ARID1B: variants seen among roughly 807,000 people sequenced by gnomAD.
ARID1B encodes AT-rich interactive domain-containing protein 1B.
A neutral mutation model predicts 212.3 loss-of-function variants in ARID1B; 30 were observed. The ratio of observed to expected loss-of-function variants is 0.14; its 90% CI spans 0.11 to 0.19. The LOEUF (loss-of-function observed/expected upper bound fraction) is 0.19, where lower values mean the gene tolerates loss of function less well. Ranked by LOEUF, ARID1B falls within the 10% of genes least tolerant of loss-of-function variation. ARID1B has a pLI of 1.00. For missense variants in ARID1B, 2,891 were observed against 3,204.0 expected (o/e 0.90, Z 2.36); for synonymous variants, 1,402 against 1,301.7 (o/e 1.08, Z -1.66).
At chr6:156,881,579 G>A (rs1787101047) in intron 2 of ARID1B, among the ~76,000 whole-genome samples, 1 of 152,106 alleles carries the variant, frequency 6.6e-6, no homozygotes, top group Admixed American at 6.5e-5. Flanking sequence ...GGACTGCACG[G>A]GTTCCCATAC....
At chr6:157,076,855 T>C (rs1784346010) in intron 4 of ARID1B, among the ~76,000 whole-genome samples, 1 of 152,220 alleles carries the variant, frequency 6.6e-6, no homozygotes, top group Non-Finnish European at 1.5e-5. Context: ...TAAACCCATC[T>C]CTCTCTCTTC....
rs1399325046 is a variant in ARID1B, at chr6:156,778,903, G to C, written c.1223G>C (p.Gly408Ala). The change falls in exon 1 of 20, where the codon GGA becomes GCA. Residue 408 changes from glycine to alanine, a missense_variant. Gly to Ala is a moderately conservative substitution (Grantham distance 60). Transcript: ENST00000636930. The part of the protein sequence containing the change: ...GGGGGSGGGG[G>A]GGGAGAGGAG... ...GGAGGAGGCAGCGGAGGAGGAGGAG[G>C]AGGAGGAGGAGCAGGAGCAGGAGGA... The C allele has an allele frequency of 2.2e-6, 3 of 1,369,736 alleles. No homozygotes were observed. Among genetic ancestry groups the C allele is most frequent in the Non-Finnish European group, 2.8e-6 (3 of 1,063,428 alleles). 84.8% of individuals were successfully genotyped at this position (1,369,736 alleles called of 1,614,324 possible). A position where few individuals can be genotyped will look rare whatever the true frequency, so the allele number is the denominator to read the frequency against.
chr6:156,984,150 G>GC (rs1267520066), intron 4 of ARID1B, among the ~76,000 whole-genome samples: 1 of 152,150 alleles, frequency 6.6e-6, no homozygotes, highest in Non-Finnish European at 1.5e-5. Context: ...GATTCGTTGA[G>GC]CGTCTCCAGG....
chr6:156,937,995 T>C (rs1792388435), intron 4 of ARID1B: 2 of 152,198 alleles, frequency 1.3e-5, no homozygotes, highest in African/African-American at 2.4e-5. Flanking sequence ...CCAGGTTTTA[T>C]GTTAAGTATG....
chr6:156,783,300 A>T (rs1222116644), intron 1 of ARID1B, among the ~76,000 whole-genome samples: 1 of 151,978 alleles, frequency 6.6e-6, no homozygotes, highest in Non-Finnish European at 1.5e-5. Context: ...CCTTTACTGA[A>T]ATTGAAGAAA....
chr6:157,162,966 G>A (rs962561612), intron 8 of ARID1B, among the ~76,000 whole-genome samples: 1 of 152,188 alleles, frequency 6.6e-6, no homozygotes, highest in African/African-American at 2.4e-5. Flanking sequence ...AGGCCCCCTG[G>A]AAGCCAGAGC....
At chr6:157,124,971 C>T (rs1336790179) in intron 6 of ARID1B, among the ~76,000 whole-genome samples, 1 of 152,150 alleles carries the variant, frequency 6.6e-6, no homozygotes, top group African/African-American at 2.4e-5. Flanking sequence ...TGCAGATTTG[C>T]TGAGTGACTG....
rs141516151 is a variant in ARID1B, at chr6:157,192,515, G to C, written c.4231+2305G>C. On this transcript the variant is annotated intron_variant, in intron 15 of 19. Transcript: ENST00000636930. Reference sequence around the variant, plus strand: ...AAACCCATCCTAAATTGAAAATATTGGTAAGTTGAAAACACACTTTCACTT... The same window carrying C: ...AAACCCATCCTAAATTGAAAATATTCGTAAGTTGAAAACACACTTTCACTT... 3.9e-3 allele frequency among the ~76,000 whole-genome samples: 594 copies of C among 152,182 alleles called. 6 individuals are homozygous for C. The highest frequency in any genetic ancestry group is 0.014 in the African/African-American group (562 of 41,486).
chr6:157,063,690 T>A (rs1367440840), intron 4 of ARID1B, among the ~76,000 whole-genome samples: 1 of 152,200 alleles, frequency 6.6e-6, no homozygotes, highest in Non-Finnish European at 1.5e-5. Flanking sequence ...AATTTTATTG[T>A]TATGTATGGA....
chr6:156,929,750 T>C (rs1283097261), intron 3 of ARID1B, among the ~76,000 whole-genome samples: 2 of 152,208 alleles, frequency 1.3e-5, no homozygotes, highest in African/African-American at 2.4e-5. Flanking sequence ...TTGCATTTTG[T>C]TTCTGACCTG....
chr6:157,082,336 A>G (rs910748190), intron 4 of ARID1B, among the ~76,000 whole-genome samples: 1 of 152,136 alleles, frequency 6.6e-6, no homozygotes, highest in African/African-American at 2.4e-5. Flanking sequence ...CAGAGAGTAA[A>G]TATTTTCAAC....
chr6:156,813,026 A>G (rs537548556), intron 1 of ARID1B, among the ~76,000 whole-genome samples: 33 of 140,328 alleles, frequency 2.4e-4, no homozygotes, highest in Middle Eastern at 3.7e-3. Context: ...ATACGTATGT[A>G]TATACATATA....
In ARID1B at chr6:157,207,636, T is replaced by C. The variant is rs761854448; in HGVS notation, c.6864T>C (p.Asp2288=). 1 of 1,614,054 alleles carries C rather than the reference T, an allele frequency of 6.2e-7. No homozygotes were observed. The highest frequency in any genetic ancestry group is 1.3e-5 in the African/African-American group (1 of 74,990). ...SIGNLISFLE[D]GVTMAQYQQS... ...GAAACTTGATAAGCTTCCTAGAGGA[T>C]GGGGTCACGATGGCCCAGTACCAGC... Residue 2288 remains aspartate, a synonymous_variant, in exon 20 of 20, where the codon GAT becomes GAC. Coordinates refer to ENST00000636930, the MANE Select transcript of ARID1B (RefSeq NM_001374828.1). The surrounding 1 kb of genome is among the most constrained non-coding windows in gnomAD (Gnocchi z 8.5).
At chr6:157,179,145 G>A (rs1348089951) in intron 11 of ARID1B, among the ~76,000 whole-genome samples, 3 of 151,892 alleles carry the variant, frequency 2.0e-5, no homozygotes, top group Admixed American at 6.6e-5. Flanking sequence ...TTTTGAAAAC[G>A]TTGGACCCAT....
intron 2 of ARID1B, among the ~76,000 whole-genome samples, chr6:156,864,293 GCT>G (rs1426257756): frequency 6.6e-6 from 1 of 152,144 alleles, no homozygotes; most frequent in Non-Finnish European, 1.5e-5. Context: ...AGGAGAGGAT[GCT>G]CTCTGACAAA....
chr6:157,065,506 T>C (rs1236293132), intron 4 of ARID1B, among the ~76,000 whole-genome samples: 1 of 152,268 alleles, frequency 6.6e-6, no homozygotes, highest in Non-Finnish European at 1.5e-5. Context: ...AAGCACTGCT[T>C]GGGTTGACCC....
chr6:157,166,015 G>T (rs755018981), intron 8 of ARID1B: 18 of 152,106 alleles, frequency 1.2e-4, no homozygotes, highest in African/African-American at 4.3e-4. Flanking sequence ...CCCTCTACTA[G>T]CTTGTACTCC....
chr6:157,084,934 T>C (rs1182629791), intron 5 of ARID1B, 29 bp downstream of exon 5: 1 of 1,576,308 alleles, frequency 6.3e-7, no homozygotes, highest in Admixed American at 1.8e-5. Context: ...ATTATTATTT[T>C]ACTTTGTGAT....
At chr6:157,055,968 A>G (rs891880030) in intron 4 of ARID1B, among the ~76,000 whole-genome samples, 17 of 152,140 alleles carry the variant, frequency 1.1e-4, no homozygotes, top group African/African-American at 4.1e-4. Context: ...TTTGCATTCA[A>G]TCTCTCCCAC....
Sources: gnomAD v4.1 joint callset for allele counts (sites outside exome capture counted in the v4.1 genomes callset) on GRCh38, gnomAD v4.1.1 for gene constraint, Gnocchi (gnomAD v3.1) non-coding constraint, MANE v1.5 for transcripts, NCBI Gene and HGNC (gene_info 2026-07-23, HGNC 2026-07-21) for gene names.